SLC35B1: variants seen among roughly 807,000 people sequenced by gnomAD.
SLC35B1 encodes the protein ATP/ADP exchanger ER.
A neutral mutation model predicts 36.6 loss-of-function variants in SLC35B1; 27 were observed. That is an observed-to-expected ratio of 0.74 (90% CI 0.54 to 1.02). The LOEUF (loss-of-function observed/expected upper bound fraction) is 1.02, where lower values mean the gene tolerates loss of function less well. SLC35B1 is among the 50% of genes least tolerant of loss of function. The pLI is 0.00. For missense variants in SLC35B1, 321 were observed against 383.2 expected (o/e 0.84, Z 1.35); for synonymous variants, 162 against 152.5 (o/e 1.06, Z -0.46).
intron 2 of SLC35B1, 93 bp from the exon 3 acceptor site, chr17:49,706,427 A>C (rs1159695420): frequency 1.2e-5 from 15 of 1,237,994 alleles, no homozygotes; most frequent in Non-Finnish European, 1.6e-5. Context: ...TGGACCACTA[A>C]GCAAAGCTGA....
intron 8 of SLC35B1, chr17:49,702,429 C>A: frequency 6.4e-6 from 1 of 156,362 alleles, no homozygotes; most frequent in Non-Finnish European, 1.4e-5. Context: ...CCTCTTTTCT[C>A]TTTTAAAAAA....
chr17:49,704,123 C>G lies in SLC35B1; in HGVS notation c.632G>C (p.Trp211Ser), dbSNP rs371403252. The stretch of plus-strand genomic sequence containing the variant: ...ACCCATTCCCAGCAGCAATGTCGAC[C>G]AAAGGTTGATGTTCAGCATCATGTG... ...SNHMMLNINLWSTLLLGMGIL... is the reference protein window; with the variant it reads ...SNHMMLNINLSSTLLLGMGIL... Residue 211 changes from tryptophan to serine, a missense_variant, in exon 6 of 9, where the codon TGG (tryptophan) becomes TCG (serine). Coordinates refer to ENST00000240333, the MANE Select transcript of SLC35B1 (RefSeq NM_005827.4). 28 of 1,614,040 alleles carry G rather than the reference C, an allele frequency of 1.7e-5. No homozygotes were observed. The highest frequency in any genetic ancestry group is 2.7e-5 in the African/African-American group (2 of 74,912).
intron 4 of SLC35B1, 69 bp downstream of exon 4, chr17:49,705,797 T>C: frequency 1.4e-6 from 2 of 1,470,662 alleles, no homozygotes; most frequent in Non-Finnish European, 1.9e-6. Flanking sequence ...AGGGACACAG[T>C]TGTAGCAGAG....
Position 49,703,194 on chromosome 17 carries a change from C to G in SLC35B1, c.756G>C (p.Leu252=), listed in dbSNP as rs754390383. 1.2e-6 allele frequency: 2 copies of G among 1,612,156 alleles called. No homozygotes were observed. The highest frequency in any genetic ancestry group is 1.7e-6 in the Non-Finnish European group (2 of 1,178,352). ...NILLFGLTSA[L]GQSFIFMTVV... ...TCCCCTTTCAAGCACTCACCTGACC[C>G]AGGGCACTGGTCAGCCCAAAGAGCA... The change falls in exon 7 of 9, where the codon CTG becomes CTC. Residue 252 remains leucine (L), a synonymous_variant. Transcript: ENST00000240333.
At chr17:49,708,194 T>G, upstream of SLC35B1, 1 of 614,600 alleles carries the variant, frequency 1.6e-6, no homozygotes, top group Non-Finnish European at 2.9e-6. Flanking sequence ...CCACAGGGTG[T>G]CCTAGAGCCA....
Position 49,707,723 on chromosome 17 carries a change from C to G in SLC35B1, c.104+7G>C. On this transcript the variant is annotated splice_region_variant and intron_variant, in intron 1 of 8. Transcript: ENST00000240333. ...GAGACTGTCGGCCCGCCCCCGGGGT[C>G]GCTCACATCTTTTCCTGCAGGATCC... is the stretch of plus-strand genomic sequence containing the variant. The G allele has an allele frequency of 3.1e-6, 5 of 1,610,842 alleles. No individual in the cohort carries two copies. Among genetic ancestry groups the G allele is most frequent in the Non-Finnish European group, 4.2e-6 (5 of 1,179,252 alleles).
In SLC35B1 at chr17:49,701,358, A is replaced by G; in HGVS notation, c.*100T>C. The G allele has an allele frequency of 1.1e-6, 1 of 869,812 alleles. No homozygotes were observed. Among genetic ancestry groups the G allele is most frequent in the Non-Finnish European group, 1.9e-6 (1 of 531,972 alleles). 53.9% of individuals were successfully genotyped at this position (869,812 alleles called of 1,614,324 possible). ...ATTTTATTTTATTAAAAAAGACTGG[A>G]ACTCAGTCCCATATTCCTATTAAGT... On this transcript the variant is annotated 3_prime_UTR_variant, in exon 9 of 9. Coordinates refer to ENST00000240333, the MANE Select transcript of SLC35B1 (RefSeq NM_005827.4).
intron 3 of SLC35B1, 93 bp from the exon 4 acceptor site, chr17:49,705,989 G>A: frequency 3.6e-6 from 5 of 1,377,428 alleles, no homozygotes; most frequent in Non-Finnish European, 5.1e-6. Flanking sequence ...TAAGCACAGG[G>A]CCTGCACCAG....
chr17:49,702,946 T>C lies in SLC35B1; in HGVS notation c.828A>G (p.Arg276=), dbSNP rs766733660. The C allele has an allele frequency of 3.1e-6, 5 of 1,613,936 alleles. No homozygotes were observed. The South Asian group carries it at 4.4e-5, about 14-fold the overall frequency. ...PLTCSIITTT[R]KFFTILASVI... Reference sequence around the variant, plus strand: ...CAGAGGCCAAAATTGTGAAGAACTTTCGAGTTGTAGTGATGATGGAGCAGG... The same window carrying C: ...CAGAGGCCAAAATTGTGAAGAACTTCCGAGTTGTAGTGATGATGGAGCAGG... The change falls in exon 8 of 9, where the codon CGA becomes CGG. Residue 276 remains arginine (R), a synonymous_variant. Transcript: ENST00000240333.
In SLC35B1 at chr17:49,707,643, A is replaced by G. The variant is rs967149537; in HGVS notation, c.104+87T>C. 11 of 1,498,732 alleles carry G rather than the reference A, an allele frequency of 7.3e-6. No homozygotes were observed. The East Asian group carries it at 2.6e-4, about 35-fold the overall frequency. The allele number at this position is 1,498,732 out of a possible 1,614,324, so 92.8% of individuals were successfully genotyped here. A position where few individuals can be genotyped will look rare whatever the true frequency, so the allele number is the denominator to read the frequency against. ...GGCGACAGCCGGGCAGGAGGACAAGAGGAAAGCCCGGGTCCAGAGGCAGAA... is the reference window on the plus strand; with the variant it reads ...GGCGACAGCCGGGCAGGAGGACAAGGGGAAAGCCCGGGTCCAGAGGCAGAA... On this transcript the variant is annotated intron_variant, in intron 1 of 8. Transcript: ENST00000240333.
chr17:49,707,186 G>A (rs1025928251), intron 1 of SLC35B1, 118 bp from the exon 2 acceptor site: 2 of 1,321,978 alleles, frequency 1.5e-6, no homozygotes. Context: ...GATGTAGGCA[G>A]AGTTTGTTAA....
At position 49,705,172 on chromosome 17, in the gene SLC35B1, T is replaced by C. The variant is rs1567820149; in HGVS notation, c.480A>G (p.Lys160=). 1.2e-6 allele frequency: 2 copies of C among 1,614,152 alleles called. No individual in the cohort carries two copies. Among genetic ancestry groups the C allele is most frequent in the East Asian group, 2.2e-5 (1 of 44,884 alleles). Residue 160 remains lysine, a synonymous_variant, in exon 5 of 9, where the codon AAA becomes AAG. Coordinates refer to ENST00000240333, the MANE Select transcript of SLC35B1 (RefSeq NM_005827.4). ...CTGTGTGTTCTTCTATCCCAACAAC[T>C]TTCTTGGGTTTGTACATGAAAAGGG... is the stretch of plus-strand genomic sequence containing the variant. ...GVALFMYKPK[K]VVGIEEHTVG...
chr17:49,707,458 A>G (rs2073433998), intron 1 of SLC35B1: 1 of 1,471,676 alleles, frequency 6.8e-7, no homozygotes, highest in Admixed American at 2.1e-5. Flanking sequence ...TTTGAGGAAT[A>G]GAAGTCTCAG....
At chr17:49,706,371 G>GAAAAA (rs746929106) in intron 2 of SLC35B1, 37 bp from the exon 3 acceptor site, 14 of 442,730 alleles carry the variant, frequency 3.2e-5, no homozygotes, top group East Asian at 8.3e-5. Flanking sequence ...AAAAAGAAAA[G>GAAAAA]AAAAGAAAAA....
Position 49,706,315 on chromosome 17 carries a change from A to AGT in SLC35B1, c.226_227dup (p.Ala77LeufsTer54). ...AGCTCCGGGTACGATCCACCCTGGCAGTGTCAAAAAACTGGATCACTGGGA... is the reference window on the plus strand; with the variant it reads ...AGCTCCGGGTACGATCCACCCTGGCAGTGTGTCAAAAAACTGGATCACTGGGA... On this transcript the variant is annotated frameshift_variant, in exon 3 of 9. Transcript: ENST00000240333. LOFTEE classifies it high-confidence loss of function. 7.0e-7 allele frequency: 1 copy of AGT among 1,421,632 alleles called. No homozygotes were observed. The highest frequency in any genetic ancestry group is 3.3e-5 in the East Asian group (1 of 30,694). The allele number at this position is 1,421,632 out of a possible 1,614,324, so 88.1% of individuals were successfully genotyped here. A position where few individuals can be genotyped will look rare whatever the true frequency, so the allele number is the denominator to read the frequency against.
rs61136804 is a variant in SLC35B1 at position 49,706,346 on chromosome 17, C to CAAAAAAAAAAAAAAAAAAAAAAAAAA, written c.209-13_209-12insTTTTTTTTTTTTTTTTTTTTTTTTTT. The CAAAAAAAAAAAAAAAAAAAAAAAAAA allele has an allele frequency of 6.8e-6, 5 of 733,610 alleles. No homozygotes were observed. Among genetic ancestry groups the CAAAAAAAAAAAAAAAAAAAAAAAAAA allele is most frequent in the Non-Finnish European group, 6.6e-6 (4 of 601,618 alleles). The allele number at this position is 733,610 out of a possible 1,614,324, so 45.4% of individuals were successfully genotyped here. On this transcript the variant is annotated splice_polypyrimidine_tract_variant and intron_variant, in intron 2 of 8. Coordinates refer to ENST00000240333, the MANE Select transcript of SLC35B1 (RefSeq NM_005827.4). ...AAAAAACTGGATCACTGGGAGAAGACAAAAAAAAAAAAAAAAAAAGAAAAG... is the reference window on the plus strand; with the variant it reads ...AAAAAACTGGATCACTGGGAGAAGACAAAAAAAAAAAAAAAAAAAAAAAAAAAAAAAAAAAAAAAAAAAAAGAAAAG...
rs759492758 is a variant in SLC35B1 at position 49,701,499 on chromosome 17, CA to C, written c.927del (p.Asp310MetfsTer46). On this transcript the variant is annotated frameshift_variant, in exon 9 of 9. Transcript: ENST00000240333. LOFTEE classifies it high-confidence loss of function. ...GTVLVFLGLG[L>X]DAKFGKGAKK... ...TTAGCTCCTTTCCCAAACTTGGCAT[CA>C]AGACCAAGACCTATGAAAAGGAAGA... 1 of 1,613,752 alleles carries C rather than the reference CA, an allele frequency of 6.2e-7. No individual in the cohort carries two copies.
intron 3 of SLC35B1, 102 bp from the exon 4 acceptor site, chr17:49,705,998 A>G (rs2073411016): frequency 1.5e-6 from 2 of 1,342,720 alleles, no homozygotes; most frequent in Non-Finnish European, 2.1e-6. Flanking sequence ...GGCCTGCACC[A>G]GAGACCTCAG....
In SLC35B1 at chr17:49,702,318, A is replaced by G. The variant is rs2073360769; in HGVS notation, c.916+540T>C. ...ATTTTTTTGCAGAGACAAGGGTCTC[A>G]TCATGTTGCCCAGGCTGGTCTCGAA... On this transcript the variant is annotated intron_variant, in intron 8 of 8. Transcript: ENST00000240333. The G allele has an allele frequency of 1.9e-5, 3 of 154,702 alleles. No homozygotes were observed. In the East Asian group the frequency reaches 5.8e-4, roughly 30 times the overall value. 9.6% of individuals were successfully genotyped at this position (154,702 alleles called of 1,614,324 possible). A position where few individuals can be genotyped will look rare whatever the true frequency, so the allele number is the denominator to read the frequency against.
Sources: allele counts gnomAD v4.1 joint callset, GRCh38; gene constraint gnomAD v4.1.1; transcripts MANE v1.5; gene names NCBI Gene and HGNC (gene_info 2026-07-23, HGNC 2026-07-21).